Variants in OPCML observed in about 807,000 individuals in gnomAD.
The protein encoded by OPCML is opioid-binding protein/cell adhesion molecule.
Under a neutral mutation model 37.8 loss-of-function variants are expected in OPCML, and 13 were observed. The ratio of observed to expected loss-of-function variants is 0.34; its 90% confidence interval spans 0.22 to 0.55. The LOEUF is 0.55. Ranked by LOEUF, OPCML falls within the 20% of genes least tolerant of loss-of-function variation. The pLI, the probability that OPCML is intolerant of heterozygous loss-of-function variation, is 0.91. For missense variants in OPCML, 341 were observed against 435.6 expected, an observed-to-expected ratio of 0.78 and a Z score of 1.93; for synonymous variants, 176 against 168.8, an observed-to-expected ratio of 1.04 and a Z score of -0.33.
intron 1 of OPCML, among the ~76,000 whole-genome samples, chr11:133,466,141 C>T (rs919258202): frequency 1.6e-4 from 25 of 152,192 alleles, no homozygotes; most frequent in East Asian, 5.8e-4. Flanking sequence ...TCAACAATGG[C>T]GCCTCTATAG....
chr11:132,649,332 A>T (rs1283062647), intron 3 of OPCML, among the ~76,000 whole-genome samples: 3 of 152,164 alleles, frequency 2.0e-5, no homozygotes, highest in Non-Finnish European at 4.4e-5. Context: ...ACACAATGTC[A>T]TGAAAGGTCA....
rs1030313108 is a variant in OPCML at position 133,286,386 on chromosome 11, C to G, written c.61+245878G>C. On this transcript the variant is annotated intron_variant, in intron 1 of 7. Coordinates refer to ENST00000524381, the MANE Select transcript of OPCML (RefSeq NM_001012393.5). ...TCGGGAGGTTGAGGCAGGAGAATGGCGTGAACCCGGGAGGCGGAGCTTGCA... is the reference window on the plus strand; with the variant it reads ...TCGGGAGGTTGAGGCAGGAGAATGGGGTGAACCCGGGAGGCGGAGCTTGCA... Among the ~76,000 whole-genome samples the G allele has an allele frequency of 7.6e-5, 11 of 145,490 alleles. No individual in the cohort carries two copies. In the East Asian group the frequency reaches 1.7e-3, roughly 23 times the overall value.
At chr11:132,691,084 T>C (rs2135888965) in intron 2 of OPCML, among the ~76,000 whole-genome samples, 1 of 152,294 alleles carries the variant, frequency 6.6e-6, no homozygotes, top group East Asian at 1.9e-4. Flanking sequence ...TTTAGCCCCA[T>C]GACAACCCTA....
At chr11:133,518,632 T>C (rs989297076) in intron 1 of OPCML, among the ~76,000 whole-genome samples, 1 of 149,002 alleles carries the variant, frequency 6.7e-6, no homozygotes, top group Non-Finnish European at 1.5e-5. Flanking sequence ...CAGTGGCAGG[T>C]GCTGGTGTGT....
chr11:132,708,964 T>C (rs1267856172), intron 2 of OPCML, among the ~76,000 whole-genome samples: 1 of 152,208 alleles, frequency 6.6e-6, no homozygotes, highest in Admixed American at 6.5e-5. Context: ...GTCTCAAGTT[T>C]TTTATTTTTA....
At chr11:133,002,999 G>A (rs1947037836) in intron 1 of OPCML, among the ~76,000 whole-genome samples, 1 of 152,128 alleles carries the variant, frequency 6.6e-6, no homozygotes, top group South Asian at 2.1e-4. Flanking sequence ...TGACTTTTCT[G>A]ATATACCACA....
intron 3 of OPCML, among the ~76,000 whole-genome samples, chr11:132,583,026 T>C (rs567042814): frequency 5.0e-4 from 76 of 151,906 alleles, no homozygotes; most frequent in African/African-American, 1.6e-3. Flanking sequence ...TAGGAAAATG[T>C]CTCTACACTT....
intron 1 of OPCML, chr11:133,006,525 A>G: frequency 1.0e-6 from 1 of 985,386 alleles, no homozygotes; most frequent in Non-Finnish European, 1.2e-6. Flanking sequence ...CAGTTACCCC[A>G]ATTGTAACTA....
intron 3 of OPCML, among the ~76,000 whole-genome samples, chr11:132,650,164 GAAC>G (rs1312909182): frequency 6.6e-6 from 1 of 152,126 alleles, no homozygotes; most frequent in African/African-American, 2.4e-5. Flanking sequence ...ACCAAAAAGT[GAAC>G]AACAAGGTTT....
intron 3 of OPCML, among the ~76,000 whole-genome samples, chr11:132,583,764 C>T (rs541437601): frequency 1.3e-5 from 2 of 152,206 alleles, no homozygotes. Context: ...CAGTCATGCA[C>T]CACCATGCCC....
intron 3 of OPCML, among the ~76,000 whole-genome samples, chr11:132,544,304 G>T (rs1314763242): frequency 6.6e-6 from 1 of 152,102 alleles, no homozygotes; most frequent in Non-Finnish European, 1.5e-5. Flanking sequence ...TTACTGGGGA[G>T]GGGTCAGATC....
chr11:132,543,260 C>G (rs2096361275), intron 3 of OPCML, among the ~76,000 whole-genome samples: 1 of 151,858 alleles, frequency 6.6e-6, no homozygotes, highest in African/African-American at 2.4e-5. Context: ...ACATGTAATC[C>G]CAACACTTTC....
intron 4 of OPCML, among the ~76,000 whole-genome samples, chr11:132,449,153 A>G (rs944819180): frequency 1.3e-5 from 2 of 152,194 alleles, no homozygotes; most frequent in African/African-American, 2.4e-5. Context: ...TAGAGACACC[A>G]TGACAATTTC....
At chr11:132,431,537 C>T (rs945572381) in intron 7 of OPCML, among the ~76,000 whole-genome samples, 2 of 152,120 alleles carry the variant, frequency 1.3e-5, no homozygotes, top group Non-Finnish European at 2.9e-5. Flanking sequence ...GGAAGGCAAC[C>T]GGTGTGATAA....
chr11:132,951,517 C>T (rs1344771384), intron 1 of OPCML, among the ~76,000 whole-genome samples: 3 of 152,214 alleles, frequency 2.0e-5, no homozygotes, highest in African/African-American at 4.8e-5. Context: ...CACATTGGTG[C>T]TCAGAATTTC....
chr11:133,034,301 A>G lies in OPCML; in HGVS notation c.62-91291T>C, dbSNP rs925612713. ...ACTCAAACCAGAAGAGTAGCTCTGTATGTATAGGTGTGTGTGTGTGTGTGT... is the reference window on the plus strand; with the variant it reads ...ACTCAAACCAGAAGAGTAGCTCTGTGTGTATAGGTGTGTGTGTGTGTGTGT... On this transcript the variant is annotated intron_variant, in intron 1 of 7. Coordinates refer to ENST00000524381, the MANE Select transcript of OPCML (RefSeq NM_001012393.5). Among the ~76,000 whole-genome samples the G allele has an allele frequency of 1.5e-3, 116 of 77,842 alleles. 2 individuals carry two copies. Among genetic ancestry groups the G allele is most frequent in the South Asian group, 7.6e-3 (19 of 2,498 alleles). The allele number at this position is 77,842 out of a possible 152,430, so 51.1% of individuals were successfully genotyped here.
intron 2 of OPCML, among the ~76,000 whole-genome samples, chr11:132,914,243 G>A (rs1328708159): frequency 2.0e-5 from 3 of 152,162 alleles, no homozygotes; most frequent in Admixed American, 6.5e-5. Context: ...CCAGATCCAC[G>A]ACTGAGACTC....
rs77384523 is a variant in OPCML, at chr11:133,096,156, T to G, written c.62-153146A>C. 1.2e-3 allele frequency among the ~76,000 whole-genome samples: 155 copies of G among 124,340 alleles called. 2 individuals carry two copies. Among genetic ancestry groups the G allele is most frequent in the African/African-American group, 4.6e-3 (143 of 30,938 alleles). The allele number at this position is 124,340 out of a possible 152,430, so 81.6% of individuals were successfully genotyped here. A position where few individuals can be genotyped will look rare whatever the true frequency, so the allele number is the denominator to read the frequency against. Reference sequence around the variant, plus strand: ...TGTGTGTGTGTGTGTGTGTGTGTGTTTATGTGTAAGTGAAATGAATGATAG... The same window carrying G: ...TGTGTGTGTGTGTGTGTGTGTGTGTGTATGTGTAAGTGAAATGAATGATAG... On this transcript the variant is annotated intron_variant, in intron 1 of 7. Transcript: ENST00000524381.
rs75980699 is a variant in OPCML at position 133,207,692 on chromosome 11, A to G, written c.62-264682T>C. On this transcript the variant is annotated intron_variant, in intron 1 of 7. Coordinates refer to ENST00000524381, the MANE Select transcript of OPCML (RefSeq NM_001012393.5). ...ATCTGAGATTGCCACTGGTGCCATA[A>G]GTCTGTCATGTACTATCCAGACTCA... 5.4e-3 allele frequency among the ~76,000 whole-genome samples: 829 copies of G among 152,318 alleles called. 6 individuals are homozygous for G. The highest frequency in any genetic ancestry group is 0.019 in the African/African-American group (796 of 41,562).
Sources: gnomAD v4.1 joint callset for allele counts (sites outside exome capture counted in the v4.1 genomes callset) on GRCh38, gnomAD v4.1.1 for gene constraint, MANE v1.5 for transcripts, NCBI Gene and HGNC (gene_info 2026-07-23, HGNC 2026-07-21) for gene names.